The following PRKCQ variants were observed in gnomAD, a reference collection of about 807,000 sequenced individuals.
PRKCQ encodes the protein protein kinase C theta type.
In PRKCQ, 41 loss-of-function variants were observed where a neutral mutation model predicts 91.2. That is an observed-to-expected ratio of 0.45 (90% CI 0.35 to 0.58). PRKCQ has a LOEUF of 0.58. PRKCQ is among the 20% of genes least tolerant of loss of function. The pLI, the probability that PRKCQ is intolerant of heterozygous loss-of-function variation, is 0.00. For synonymous variants in PRKCQ, 307 were observed against 316.9 expected (o/e 0.97, Z 0.33); for missense variants, 673 against 896.5 (o/e 0.75, Z 3.18).
rs572977524 is a variant in PRKCQ at position 6,457,934 on chromosome 10, C to A, written c.1509-1122G>T. Among the ~76,000 whole-genome samples, 4 of 148,232 alleles carry A rather than the reference C, an allele frequency of 2.7e-5. No homozygotes were observed. The South Asian group carries it at 9.0e-4, about 34-fold the overall frequency. ...TTTTTTAAAGATAATTCAGGTGCTTCCCTTGATATCAGGTTTTTTTTTTTC... is the reference window on the plus strand; with the variant it reads ...TTTTTTAAAGATAATTCAGGTGCTTACCTTGATATCAGGTTTTTTTTTTTC... On this transcript the variant is annotated intron_variant, in intron 14 of 17. Coordinates refer to ENST00000263125, the MANE Select transcript of PRKCQ (RefSeq NM_006257.5).
chr10:6,577,916 A>G (rs980570804), intron 1 of PRKCQ, among the ~76,000 whole-genome samples: 8 of 152,242 alleles, frequency 5.3e-5, no homozygotes, highest in Non-Finnish European at 8.8e-5. Flanking sequence ...CCACAAGCCC[A>G]TACTCTTGAA....
At chr10:6,395,291 C>G in the PRKCQ span, among the ~76,000 whole-genome samples, 1 of 151,696 alleles carries the variant, frequency 6.6e-6, no homozygotes, top group African/African-American at 2.4e-5. Flanking sequence ...GTCTCGATCT[C>G]CTGACCTCGT....
the PRKCQ span, among the ~76,000 whole-genome samples, chr10:6,419,275 A>G: frequency 6.6e-6 from 1 of 152,192 alleles, no homozygotes; most frequent in Non-Finnish European, 1.5e-5. Context: ...GTGTGTACGT[A>G]TACATTAAGT....
At chr10:6,561,161 A>G (rs1226077150) in intron 1 of PRKCQ, among the ~76,000 whole-genome samples, 3 of 151,990 alleles carry the variant, frequency 2.0e-5, no homozygotes, top group Non-Finnish European at 4.4e-5. Context: ...GCTTGAGTCC[A>G]AGGGTTTGAG....
chr10:6,418,991 C>G, the PRKCQ span, among the ~76,000 whole-genome samples: 2 of 149,424 alleles, frequency 1.3e-5, no homozygotes, highest in Non-Finnish European at 3.0e-5. Flanking sequence ...ATCTATCTAT[C>G]TATCTATCTA....
chr10:6,486,271 A>G (rs1486567569), intron 8 of PRKCQ, 127 bp from the exon 9 acceptor site: 3 of 749,250 alleles, frequency 4.0e-6, no homozygotes, highest in Non-Finnish European at 6.9e-6. Context: ...GCTGGGAGGA[A>G]GTTGACCCTG....
chr10:6,478,091 G>A (rs964764623), intron 12 of PRKCQ, among the ~76,000 whole-genome samples: 16 of 152,158 alleles, frequency 1.1e-4, no homozygotes, highest in African/African-American at 3.9e-4. Context: ...TCATTTTAGT[G>A]TTATTTAAAT....
rs767176993 is a variant in PRKCQ, at chr10:6,496,374, C to T, written c.660+661G>A. On this transcript the variant is annotated intron_variant, in intron 7 of 17. Coordinates refer to ENST00000263125, the MANE Select transcript of PRKCQ (RefSeq NM_006257.5). ...ATTAGGTAAAATGTAATTTGTCTTCCGATTATACCTCAACGTTTACTCTAA... is the reference window on the plus strand; with the variant it reads ...ATTAGGTAAAATGTAATTTGTCTTCTGATTATACCTCAACGTTTACTCTAA... 8.5e-5 allele frequency among the ~76,000 whole-genome samples: 13 copies of T among 152,162 alleles called. No homozygotes were observed. In the East Asian group the frequency reaches 1.5e-3, roughly 18 times the overall value.
At chr10:6,492,623 T>G (rs1410216566) in intron 7 of PRKCQ, among the ~76,000 whole-genome samples, 1 of 152,126 alleles carries the variant, frequency 6.6e-6, no homozygotes, top group Non-Finnish European at 1.5e-5. Context: ...TGTGAAGGCT[T>G]ATCGGGGTAG....
chr10:6,436,071 A>G (rs912777322), intron 16 of PRKCQ, among the ~76,000 whole-genome samples: 14 of 152,294 alleles, frequency 9.2e-5, no homozygotes, highest in Middle Eastern at 3.4e-3. Context: ...CTGAGACTGC[A>G]CCACTGCACT....
intron 1 of PRKCQ, among the ~76,000 whole-genome samples, chr10:6,570,254 GAC>G (rs959154202): frequency 2.6e-5 from 4 of 152,170 alleles, no homozygotes; most frequent in Non-Finnish European, 5.9e-5. Context: ...TGTCGTTCAA[GAC>G]ATGTGGGGTG....
chr10:6,499,274 A>C (rs192861678), intron 4 of PRKCQ, among the ~76,000 whole-genome samples: 32 of 152,310 alleles, frequency 2.1e-4, no homozygotes, highest in African/African-American at 7.7e-4. Context: ...ATCAGATTCA[A>C]TCTATTCATT....
the PRKCQ span, among the ~76,000 whole-genome samples, chr10:6,403,833 T>TG: frequency 8.2e-6 from 1 of 121,778 alleles, no homozygotes; most frequent in South Asian, 3.1e-4. Context: ...GATAAATGAA[T>TG]GAAAAAAAAA....
At chr10:6,440,186 G>A (rs904799056) in intron 16 of PRKCQ, among the ~76,000 whole-genome samples, 3 of 152,164 alleles carry the variant, frequency 2.0e-5, no homozygotes, top group African/African-American at 7.2e-5. Context: ...CTGTGAGTCA[G>A]TTAAACCTCT....
At chr10:6,451,855 G>A (rs1834703016) in intron 15 of PRKCQ, among the ~76,000 whole-genome samples, 1 of 152,126 alleles carries the variant, frequency 6.6e-6, no homozygotes, top group Non-Finnish European at 1.5e-5. Context: ...ATGCAGAAAA[G>A]GCCTTTGACA....
intron 15 of PRKCQ, among the ~76,000 whole-genome samples, chr10:6,448,799 C>T (rs1036963295): frequency 4.6e-5 from 7 of 151,740 alleles, no homozygotes; most frequent in South Asian, 2.1e-4. Flanking sequence ...CTGCAGACAC[C>T]GCTGCTGATA....
chr10:6,562,115 G>A (rs1840655339), intron 1 of PRKCQ, among the ~76,000 whole-genome samples: 1 of 152,196 alleles, frequency 6.6e-6, no homozygotes, highest in South Asian at 2.1e-4. Context: ...AAAGGAAAGA[G>A]AGAGGGATTG....
chr10:6,482,077 G>A (rs1836633212), intron 11 of PRKCQ, among the ~76,000 whole-genome samples: 2 of 148,724 alleles, frequency 1.3e-5, no homozygotes, highest in Non-Finnish European at 3.0e-5. Context: ...CCCCCCACCT[G>A]CATGTATGGC....
At chr10:6,432,882 C>G (rs565438274) in intron 16 of PRKCQ, among the ~76,000 whole-genome samples, 8 of 152,232 alleles carry the variant, frequency 5.3e-5, no homozygotes, top group African/African-American at 1.9e-4. Context: ...CATGAGATAC[C>G]CTCCCCTAGT....
Sources: allele counts gnomAD v4.1 joint callset (sites outside exome capture counted in the v4.1 genomes callset), GRCh38; gene constraint gnomAD v4.1.1; transcripts MANE v1.5; gene names NCBI Gene and HGNC (gene_info 2026-07-23, HGNC 2026-07-21).